Variants in PRSS56 observed in about 807,000 individuals in gnomAD.
PRSS56 encodes the protein serine protease 56, also known as protease, serine 56.
Under a neutral mutation model 66.8 loss-of-function variants are expected in PRSS56, and 55 were observed. That is an observed-to-expected ratio of 0.82 (90% confidence interval 0.66 to 1.03). PRSS56 has a LOEUF of 1.03. PRSS56 is among the 50% of genes least tolerant of loss of function. The probability of loss-of-function intolerance (pLI) is 0.00; values close to 1 mark genes in which losing one functional copy is unlikely to be tolerated. For synonymous variants in PRSS56, 409 were observed against 387.9 expected (o/e 1.05, Z -0.64); for missense variants, 869 against 837.2 (o/e 1.04, Z -0.47).
rs1691401697 is a variant in PRSS56 at position 232,525,318 on chromosome 2, C to T, written c.1624C>T (p.Leu542=). The part of the protein sequence containing the change: ...RHVAFSGLVG[L]EPATLARSLP... ...TGTGGCCTTCAGCGGCCTGGTGGGC[C>T]TGGAGCCGGCCACACTGGCTCGCAG... Residue 542 remains leucine, a synonymous_variant, in exon 13 of 13, where the codon CTG becomes TTG. Coordinates refer to ENST00000617714, the MANE Select transcript of PRSS56 (RefSeq NM_001195129.2). 1 of 1,525,384 alleles carries T rather than the reference C, an allele frequency of 6.6e-7. No homozygotes were observed. The highest frequency in any genetic ancestry group is 8.8e-7 in the Non-Finnish European group (1 of 1,139,392). 94.5% of individuals were successfully genotyped at this position (1,525,384 alleles called of 1,614,324 possible). A position where few individuals can be genotyped will look rare whatever the true frequency, so the allele number is the denominator to read the frequency against.
At chr2:232,522,188 G>C (rs949183488) in intron 4 of PRSS56, 28 bp downstream of exon 4, 1 of 1,435,728 alleles carries the variant, frequency 7.0e-7, no homozygotes, top group Middle Eastern at 2.0e-4. Flanking sequence ...GCCTTGCCCA[G>C]CTGGGGTCCC....
In PRSS56 at chr2:232,522,138, A is replaced by T; in HGVS notation, c.424A>T (p.Thr142Ser). Residue 142 changes from threonine (T) to serine (S), a missense_variant, in exon 4 of 13, where the codon ACG (threonine) becomes TCG (serine). Thr to Ser is a moderately conservative substitution (Grantham distance 58, BLOSUM62 1). This residue lies in a region of PRSS56 where 315 missense variants were observed against 313.7 expected (regional missense o/e 1.00). Coordinates refer to ENST00000617714, the MANE Select transcript of PRSS56 (RefSeq NM_001195129.2). ...GVLVAASWVL[T>S]AAHCFVGAPN... ...CCTGGTAGCGGCCTCCTGGGTGCTC[A>T]CGGCAGCGCACTGCTTTGTAGGGTA... 6.6e-7 allele frequency: 1 copy of T among 1,515,374 alleles called. No individual in the cohort carries two copies. Among genetic ancestry groups the T allele is most frequent in the South Asian group, 1.2e-5 (1 of 81,982 alleles). The allele number at this position is 1,515,374 out of a possible 1,614,324, so 93.9% of individuals were successfully genotyped here. A position where few individuals can be genotyped will look rare whatever the true frequency, so the allele number is the denominator to read the frequency against.
chr2:232,521,406 G>C lies in PRSS56; in HGVS notation c.183G>C (p.Gln61His). 1 of 1,536,134 alleles carries C rather than the reference G, an allele frequency of 6.5e-7. No homozygotes were observed. Among genetic ancestry groups the C allele is most frequent in the Non-Finnish European group, 8.7e-7 (1 of 1,146,872 alleles). The change falls in exon 2 of 13, where the codon CAG becomes CAC. Residue 61 changes from glutamine to histidine, a missense_variant. Physicochemically the swap from Gln to His is conservative, Grantham distance 24. This residue lies in a region of PRSS56 where 315 missense variants were observed against 313.7 expected (regional missense o/e 1.00). Coordinates refer to ENST00000617714, the MANE Select transcript of PRSS56 (RefSeq NM_001195129.2). ...TAAACCGAGTGGCGATGGAGATCCA[G>C]CACAGATCGCACGAGTGCCGAGGTG... ...WAINRVAMEIQHRSHECRGSG... is the reference protein window; with the variant it reads ...WAINRVAMEIHHRSHECRGSG...
chr2:232,521,325 G>C lies in PRSS56; in HGVS notation c.102G>C (p.Leu34=). Residue 34 remains leucine, a synonymous_variant, in exon 2 of 13, where the codon CTG becomes CTC. Coordinates refer to ENST00000617714, the MANE Select transcript of PRSS56 (RefSeq NM_001195129.2). ...GTGTGCCCCCTGTCCCAGCAGTTCT[G>C]TCGGCCCAGGGGACTCAGGCGTTGC... ...TRLPPSALQV[L]SAQGTQALQA... is the part of the protein sequence containing the mutation. 3.9e-6 allele frequency: 6 copies of C among 1,535,936 alleles called. No individual in the cohort carries two copies. The highest frequency in any genetic ancestry group is 5.2e-6 in the Non-Finnish European group (6 of 1,146,710).
Position 232,521,308 on chromosome 2 carries a change from C to T in PRSS56, c.98-13C>T. ...CCCAACCACGCATGATTGTGTGCCC[C>T]CTGTCCCAGCAGTTCTGTCGGCCCA... On this transcript the variant is annotated splice_polypyrimidine_tract_variant and intron_variant, in intron 1 of 12. Coordinates refer to ENST00000617714, the MANE Select transcript of PRSS56 (RefSeq NM_001195129.2). 1 of 1,531,774 alleles carries T rather than the reference C, an allele frequency of 6.5e-7. No individual in the cohort carries two copies. The highest frequency in any genetic ancestry group is 8.7e-7 in the Non-Finnish European group (1 of 1,142,940). The allele number at this position is 1,531,774 out of a possible 1,614,324, so 94.9% of individuals were successfully genotyped here.
In PRSS56 at chr2:232,525,437, GGGGCCC is replaced by G. The variant is rs1447953207; in HGVS notation, c.1748_1753del (p.Pro583_Gly584del). ...AGGGACCCTGGATGGATGTAGGGCA[GGGGCCC>G]GGGCTGGAGAGGAAGGGGCACCACC... is the stretch of plus-strand genomic sequence containing the variant. On this transcript the variant is annotated inframe_deletion, in exon 13 of 13. Coordinates refer to ENST00000617714, the MANE Select transcript of PRSS56 (RefSeq NM_001195129.2). The G allele has an allele frequency of 2.0e-6, 3 of 1,531,512 alleles. No homozygotes were observed. The highest frequency in any genetic ancestry group is 1.7e-6 in the Non-Finnish European group (2 of 1,144,486). The allele number at this position is 1,531,512 out of a possible 1,614,324, so 94.9% of individuals were successfully genotyped here.
chr2:232,520,432 C>A lies in PRSS56; in HGVS notation c.-167C>A. On this transcript the variant is annotated 5_prime_UTR_variant, in exon 1 of 13. Coordinates refer to ENST00000617714, the MANE Select transcript of PRSS56 (RefSeq NM_001195129.2). ...GCCAGGTGAGGGCTGACCAGGGAGGCGGGTAATTTTGATGTAAGAGAACGG... is the reference window on the plus strand; with the variant it reads ...GCCAGGTGAGGGCTGACCAGGGAGGAGGGTAATTTTGATGTAAGAGAACGG... The A allele has an allele frequency of 1.5e-6, 1 of 656,710 alleles. No homozygotes were observed. The highest frequency in any genetic ancestry group is 2.8e-6 in the Non-Finnish European group (1 of 362,496). 40.7% of individuals were successfully genotyped at this position (656,710 alleles called of 1,614,324 possible). A position where few individuals can be genotyped will look rare whatever the true frequency, so the allele number is the denominator to read the frequency against.
intron 1 of PRSS56, 72 bp downstream of exon 1, chr2:232,520,767 G>C: frequency 9.9e-7 from 1 of 1,008,212 alleles, no homozygotes; most frequent in South Asian, 1.6e-5. Context: ...GGGCGGGCGG[G>C]GACAGAAGAG....
rs1691271438 is a variant in PRSS56 at position 232,521,315 on chromosome 2, C to T, written c.98-6C>T. Reference sequence around the variant, plus strand: ...ACGCATGATTGTGTGCCCCCTGTCCCAGCAGTTCTGTCGGCCCAGGGGACT... The same window carrying T: ...ACGCATGATTGTGTGCCCCCTGTCCTAGCAGTTCTGTCGGCCCAGGGGACT... On this transcript the variant is annotated splice_polypyrimidine_tract_variant and splice_region_variant and intron_variant, in intron 1 of 12. Transcript: ENST00000617714. 4 of 1,534,698 alleles carry T rather than the reference C, an allele frequency of 2.6e-6. No homozygotes were observed. Among genetic ancestry groups the T allele is most frequent in the Non-Finnish European group, 8.7e-7 (1 of 1,145,694 alleles).
At chr2:232,522,932 C>T (rs1691316542) in intron 6 of PRSS56, 71 bp downstream of exon 6, 4 of 1,452,528 alleles carry the variant, frequency 2.8e-6, no homozygotes, top group South Asian at 1.4e-5. Context: ...TGTAGGGAGG[C>T]CGGGTTGCCT....
rs1188999175 is a variant in PRSS56 at position 232,522,827 on chromosome 2, C to T, written c.672C>T (p.Ala224=). The T allele has an allele frequency of 8.8e-6, 13 of 1,480,868 alleles. 1 individual carries two copies. The African/African-American group carries it at 1.7e-4, about 19-fold the overall frequency. The allele number at this position is 1,480,868 out of a possible 1,614,324, so 91.7% of individuals were successfully genotyped here. Residue 224 remains alanine (A), a synonymous_variant, in exon 6 of 13, where the codon GCC becomes GCT. Transcript: ENST00000617714. ...CCCAGGAGCCCCCTGCCGGAACCGC[C>T]TGCGCCATCGCGGGCTGGGGCGCCC... ...QEPQEPPAGT[A]CAIAGWGALF...
chr2:232,522,696 C>A lies in PRSS56; in HGVS notation c.547-6C>A. ...CCTTGACCCTGCGCCGCCTCCCCCT[C>A]CTCAGTTTGACCCGCGGACCTTCCA... On this transcript the variant is annotated splice_region_variant and splice_polypyrimidine_tract_variant and intron_variant, in intron 5 of 12. Transcript: ENST00000617714. 6.5e-7 allele frequency: 1 copy of A among 1,534,238 alleles called. No homozygotes were observed. The highest frequency in any genetic ancestry group is 1.2e-5 in the South Asian group (1 of 83,864).
intron 12 of PRSS56, 123 bp downstream of exon 12, chr2:232,524,967 G>A: frequency 1.1e-6 from 1 of 879,308 alleles, no homozygotes; most frequent in Non-Finnish European, 1.7e-6. Context: ...CTCTGCCCCA[G>A]CTCTGGGGGT....
rs1691336744 is a variant in PRSS56 at position 232,523,782 on chromosome 2, C to T, written c.1023C>T (p.Ser341=). Residue 341 remains serine (S), a synonymous_variant, in exon 9 of 13, where the codon AGC becomes AGT. Coordinates refer to ENST00000617714, the MANE Select transcript of PRSS56 (RefSeq NM_001195129.2). Reference sequence around the variant, plus strand: ...TCCCGCCCGCAGCAGCCTCCTCCAGCCGCGAGCCCAGCTGCAGGGAGCTTC... The same window carrying T: ...TCCCGCCCGCAGCAGCCTCCTCCAGTCGCGAGCCCAGCTGCAGGGAGCTTC... ...WLQEQMSASS[S]REPSCRELLA... The T allele has an allele frequency of 8.5e-6, 13 of 1,534,086 alleles. No individual in the cohort carries two copies. Among genetic ancestry groups the T allele is most frequent in the Non-Finnish European group, 1.0e-5 (12 of 1,146,728 alleles).
At chr2:232,522,247 G>A (rs1202248198) in intron 4 of PRSS56, 87 bp downstream of exon 4, 3 of 1,249,218 alleles carry the variant, frequency 2.4e-6, no homozygotes, top group Non-Finnish European at 2.1e-6. Context: ...CGACGCGCGG[G>A]AAAGGTGGTC....
chr2:232,522,823 C>T lies in PRSS56; in HGVS notation c.668C>T (p.Thr223Ile). Residue 223 changes from threonine (T) to isoleucine (I), a missense_variant, in exon 6 of 13, where the codon ACC (threonine) becomes ATC (isoleucine). Transcript: ENST00000617714. ...GAGCCCCAGGAGCCCCCTGCCGGAA[C>T]CGCCTGCGCCATCGCGGGCTGGGGC... ...PQEPQEPPAGTACAIAGWGAL... is the reference protein window; with the variant it reads ...PQEPQEPPAGIACAIAGWGAL... 1 of 1,482,152 alleles carries T rather than the reference C, an allele frequency of 6.7e-7. No homozygotes were observed. The highest frequency in any genetic ancestry group is 8.9e-7 in the Non-Finnish European group (1 of 1,117,542). 91.8% of individuals were successfully genotyped at this position (1,482,152 alleles called of 1,614,324 possible).
chr2:232,523,459 G>A lies in PRSS56; in HGVS notation c.893G>A (p.Arg298His), dbSNP rs1224352180. Residue 298 changes from arginine (R) to histidine (H), a missense_variant, in exon 8 of 13, where the codon CGC becomes CAC. Coordinates refer to ENST00000617714, the MANE Select transcript of PRSS56 (RefSeq NM_001195129.2). ...GPLTCSEPGP[R>H]PREVLFGVTS... is the part of the protein sequence containing the mutation. ...CTGACCTGTTCTGAGCCTGGCCCCC[G>A]CCCTAGAGAGGTCCTGTTCGGAGTC... The A allele has an allele frequency of 9.9e-6, 15 of 1,511,432 alleles. No homozygotes were observed. Among genetic ancestry groups the A allele is most frequent in the Non-Finnish European group, 1.3e-5 (15 of 1,135,166 alleles). 93.6% of individuals were successfully genotyped at this position (1,511,432 alleles called of 1,614,324 possible). A position where few individuals can be genotyped will look rare whatever the true frequency, so the allele number is the denominator to read the frequency against.
Position 232,522,594 on chromosome 2 carries a change from C to T in PRSS56, c.526C>T (p.Arg176Cys), listed in dbSNP as rs387907096. ...GEQAEEVPVN[R>C]ILPHPKFDPR... ...GCAAGCGGAGGAGGTGCCAGTGAACCGCATCCTGCCCCACCCCAAGGTGAG... is the reference window on the plus strand; with the variant it reads ...GCAAGCGGAGGAGGTGCCAGTGAACTGCATCCTGCCCCACCCCAAGGTGAG... Residue 176 changes from arginine to cysteine, a missense_variant, in exon 5 of 13, where the codon CGC (arginine) becomes TGC (cysteine). This residue lies in a region of PRSS56 where 315 missense variants were observed against 313.7 expected (regional missense o/e 1.00). Transcript: ENST00000617714. 1.3e-6 allele frequency: 2 copies of T among 1,535,024 alleles called. No individual in the cohort carries two copies. The highest frequency in any genetic ancestry group is 1.4e-5 in the African/African-American group (1 of 72,918).
In PRSS56 at chr2:232,522,048, C is replaced by T; in HGVS notation, c.334C>T (p.Pro112Ser). The change falls in exon 4 of 13, where the codon CCG becomes TCG. Residue 112 changes from proline (P) to serine (S), a missense_variant. Around this residue, in one of 3 missense-constraint regions of PRSS56, gnomAD observed 315 missense variants for 313.7 expected, o/e 1.00. Coordinates refer to ENST00000617714, the MANE Select transcript of PRSS56 (RefSeq NM_001195129.2). The part of the protein sequence containing the change: ...HGRIVGGSAA[P>S]PGAWPWLVRL... ...CCGCATCGTGGGGGGCAGCGCGGCG[C>T]CGCCCGGGGCCTGGCCCTGGCTGGT... is the stretch of plus-strand genomic sequence containing the variant. 1 of 1,489,438 alleles carries T rather than the reference C, an allele frequency of 6.7e-7. No individual in the cohort carries two copies. The highest frequency in any genetic ancestry group is 8.9e-7 in the Non-Finnish European group (1 of 1,126,856). The allele number at this position is 1,489,438 out of a possible 1,614,324, so 92.3% of individuals were successfully genotyped here.
Sources: gnomAD v4.1 joint callset for allele counts on GRCh38, gnomAD v4.1.1 for gene constraint, gnomAD v4.1.1 regional missense constraint, MANE v1.5 for transcripts, NCBI Gene and HGNC (gene_info 2026-07-23, HGNC 2026-07-21) for gene names.